Variants in FUT8 observed in about 807,000 individuals in gnomAD.
FUT8 encodes the protein fucosyltransferase 8.
In FUT8, 29 loss-of-function variants were observed where a neutral mutation model predicts 71.3. That is an observed-to-expected ratio of 0.41 (90% CI 0.30 to 0.55). FUT8 has a LOEUF of 0.55. Among genes scored for constraint, FUT8 ranks in the 20% least tolerant of loss-of-function variants. The probability of loss-of-function intolerance (pLI) is 0.34; values close to 1 mark genes in which losing one functional copy is unlikely to be tolerated. For missense variants in FUT8, 544 were observed against 702.1 expected, an observed-to-expected ratio of 0.77 and a Z score of 2.55; for synonymous variants, 254 against 239.3, an observed-to-expected ratio of 1.06 and a Z score of -0.57.
intron 1 of FUT8, among the ~76,000 whole-genome samples, chr14:65,428,673 C>G (rs2065424191): frequency 6.6e-6 from 1 of 152,216 alleles, no homozygotes; most frequent in African/African-American, 2.4e-5. Context: ...TTAGTTCACA[C>G]ATACAACTCT....
At chr14:65,505,227 T>C (rs78738669) in intron 2 of FUT8, among the ~76,000 whole-genome samples, 2,271 of 152,100 alleles carry the variant, frequency 0.015, 18 homozygotes, top group South Asian at 0.024. Flanking sequence ...TATTTCTTTA[T>C]CTCTTAGAAA....
At chr14:65,632,454 ATT>A (rs1890238364) in intron 6 of FUT8, among the ~76,000 whole-genome samples, 1 of 152,014 alleles carries the variant, frequency 6.6e-6, no homozygotes, top group South Asian at 2.1e-4. Context: ...TGTGGTTTTG[ATT>A]TACGTTTCCC....
intron 1 of FUT8, among the ~76,000 whole-genome samples, chr14:65,448,644 C>G (rs1208305374): frequency 1.3e-5 from 2 of 152,024 alleles, no homozygotes; most frequent in Non-Finnish European, 2.9e-5. Flanking sequence ...AGGCTCTGTT[C>G]TCATGGTGTG....
intron 1 of FUT8, among the ~76,000 whole-genome samples, chr14:65,420,030 A>G (rs11851594): frequency 6.6e-6 from 1 of 152,200 alleles, no homozygotes; most frequent in Middle Eastern, 3.2e-3. Flanking sequence ...ACAAACACAC[A>G]ATATTATGTT....
At chr14:65,429,861 C>CAAAAA (rs58941594) in intron 1 of FUT8, among the ~76,000 whole-genome samples, 2 of 81,006 alleles carry the variant, frequency 2.5e-5, no homozygotes, top group African/African-American at 5.1e-5. Flanking sequence ...GAGACTGTCT[C>CAAAAA]AAAAAAAAAA....
At chr14:65,734,895 C>T (rs1433398599) in intron 10 of FUT8, among the ~76,000 whole-genome samples, 1 of 152,024 alleles carries the variant, frequency 6.6e-6, no homozygotes, top group Non-Finnish European at 1.5e-5. Flanking sequence ...TGTGAGGAGC[C>T]GTATTCTGCA....
At chr14:65,559,506 G>C (rs1349353797) in intron 2 of FUT8, among the ~76,000 whole-genome samples, 1 of 151,270 alleles carries the variant, frequency 6.6e-6, no homozygotes, top group African/African-American at 2.5e-5. Flanking sequence ...GGTGTCCGTG[G>C]AGGGTACTGA....
At chr14:65,551,291 A>T (rs994060631) in intron 2 of FUT8, among the ~76,000 whole-genome samples, 1 of 152,114 alleles carries the variant, frequency 6.6e-6, no homozygotes, top group Non-Finnish European at 1.5e-5. Flanking sequence ...TTCTTGTTAG[A>T]CTTAAGAAGT....
chr14:65,441,621 C>T (rs1334756419), intron 1 of FUT8, among the ~76,000 whole-genome samples: 1 of 151,840 alleles, frequency 6.6e-6, no homozygotes, highest in Non-Finnish European at 1.5e-5. Flanking sequence ...GGTGTGGTGG[C>T]ACATGCCTGT....
chr14:65,549,805 G>C (rs138416053), intron 2 of FUT8, among the ~76,000 whole-genome samples: 2 of 152,178 alleles, frequency 1.3e-5, no homozygotes, highest in Admixed American at 1.3e-4. Flanking sequence ...GTGGCTACCT[G>C]TATTAGTCTG....
intron 3 of FUT8, among the ~76,000 whole-genome samples, chr14:65,590,064 C>T (rs142586269): frequency 8.6e-4 from 131 of 152,222 alleles, no homozygotes; most frequent in African/African-American, 2.9e-3. Context: ...CAGAAAGATA[C>T]GACATACCAA....
chr14:65,385,923 G>A, the FUT8 span, among the ~76,000 whole-genome samples: 7 of 152,140 alleles, frequency 4.6e-5, no homozygotes, highest in East Asian at 2.0e-4. Flanking sequence ...AGGCCGAGGC[G>A]GGTAGATCAC....
Position 65,689,218 on chromosome 14 carries a change from GTAT to G in FUT8, c.835+19740_835+19742del, listed in dbSNP as rs150155067. Among the ~76,000 whole-genome samples the G allele has an allele frequency of 3.2e-3, 495 of 152,312 alleles. 2 individuals carry two copies. The highest frequency in any genetic ancestry group is 0.011 in the African/African-American group (477 of 41,572). On this transcript the variant is annotated intron_variant, in intron 7 of 10. Transcript: ENST00000673929. ...TAGCCATTCTAATAGATATGTGGTA[GTAT>G]TCTGTTTTAATTTGCAATTCACTAG...
intron 3 of FUT8, among the ~76,000 whole-genome samples, chr14:65,565,489 A>G (rs1886146820): frequency 1.3e-5 from 2 of 151,674 alleles, no homozygotes; most frequent in Admixed American, 1.3e-4. Context: ...AAACTTTTGT[A>G]TGACCATAGT....
the FUT8 span, among the ~76,000 whole-genome samples, chr14:65,396,675 A>T: frequency 1.3e-5 from 2 of 152,264 alleles, no homozygotes; most frequent in South Asian, 4.1e-4. The surrounding 1 kb of genome is among the most constrained non-coding windows in gnomAD (Gnocchi z 5.5). Context: ...TGTGTAAATT[A>T]GAAATGGCTG....
At chr14:65,642,602 C>CAAAA (rs71126774) in intron 6 of FUT8, among the ~76,000 whole-genome samples, 3 of 95,642 alleles carry the variant, frequency 3.1e-5, no homozygotes, top group Non-Finnish European at 6.4e-5. Context: ...GACTCCGTCT[C>CAAAA]AAAAAAAAAA....
At chr14:65,539,603 A>G (rs1189348394) in intron 2 of FUT8, among the ~76,000 whole-genome samples, 1 of 152,196 alleles carries the variant, frequency 6.6e-6, no homozygotes, top group Non-Finnish European at 1.5e-5. Flanking sequence ...TAATATGGGT[A>G]CTTATTTATG....
Position 65,413,986 on chromosome 14 carries a change from C to T in FUT8, c.-326+772C>T, listed in dbSNP as rs2065181733. Among the ~76,000 whole-genome samples, 1 of 152,068 alleles carries T rather than the reference C, an allele frequency of 6.6e-6. No homozygotes were observed. The highest frequency in any genetic ancestry group is 2.4e-5 in the African/African-American group (1 of 41,392). Reference sequence around the variant, plus strand: ...ATGCTTAGGGTTTGTCCCGGATGAGCTTTTATTTTAGCATTTTGCCATATA... The same window carrying T: ...ATGCTTAGGGTTTGTCCCGGATGAGTTTTTATTTTAGCATTTTGCCATATA... On this transcript the variant is annotated intron_variant, in intron 1 of 10. Coordinates refer to ENST00000673929, the MANE Select transcript of FUT8 (RefSeq NM_001371533.1). This position sits in a 1 kb window ranked among gnomAD's most constrained non-coding sequence, Gnocchi z 4.1.
Position 65,530,288 on chromosome 14 carries a change from C to G in FUT8, c.-227-31049C>G, listed in dbSNP as rs75034016. Among the ~76,000 whole-genome samples, 620 of 152,228 alleles carry G rather than the reference C, an allele frequency of 4.1e-3. 16 individuals are homozygous for G. In the East Asian group the frequency reaches 0.074, roughly 18 times the overall value. The stretch of plus-strand genomic sequence containing the variant: ...AGAGAAATCTCAGGCAATTATAGGG[C>G]TCACCTTTTTGTTTGTTTGTTTCCC... On this transcript the variant is annotated intron_variant, in intron 2 of 10. Coordinates refer to ENST00000673929, the MANE Select transcript of FUT8 (RefSeq NM_001371533.1).
Sources: gnomAD v4.1 joint callset for allele counts (sites outside exome capture counted in the v4.1 genomes callset) on GRCh38, gnomAD v4.1.1 for gene constraint, Gnocchi (gnomAD v3.1) non-coding constraint, MANE v1.5 for transcripts, NCBI Gene and HGNC (gene_info 2026-07-23, HGNC 2026-07-21) for gene names.